PTGFR: variants seen among roughly 807,000 people sequenced by gnomAD.
PTGFR encodes prostaglandin F receptor.
PTGFR carries 15 observed loss-of-function variants against 26.2 expected under a neutral mutation model. That is an observed-to-expected ratio of 0.57 (90% CI 0.38 to 0.88). The LOEUF is 0.88. PTGFR is among the 40% of genes least tolerant of loss of function. The probability of loss-of-function intolerance (pLI) is 0.00; values close to 1 mark genes in which losing one functional copy is unlikely to be tolerated. For synonymous variants in PTGFR, 165 were observed against 151.1 expected, an observed-to-expected ratio of 1.09 and a Z score of -0.68; for missense variants, 369 against 427.2, an observed-to-expected ratio of 0.86 and a Z score of 1.20.
At chr1:78,525,696 C>G (rs1161622893) in intron 2 of PTGFR, among the ~76,000 whole-genome samples, 1 of 152,046 alleles carries the variant, frequency 6.6e-6, no homozygotes, top group African/African-American at 2.4e-5. Context: ...CATGGTTGGT[C>G]TTTCAAGTAT....
Position 78,492,887 on chromosome 1 carries a change from C to T in PTGFR, c.144C>T (p.Ile48=), listed in dbSNP as rs1265190184. ...GAATCTTGTCAAACAGCCTTGCCAT[C>T]GCCATTCTCATGAAGGCATATCAGA... is the stretch of plus-strand genomic sequence containing the variant. The part of the protein sequence containing the change: ...TVGILSNSLA[I]AILMKAYQRF... Residue 48 remains isoleucine, a synonymous_variant, in exon 2 of 3, where the codon ATC becomes ATT. Coordinates refer to ENST00000370757, the MANE Select transcript of PTGFR (RefSeq NM_000959.4). 5.6e-6 allele frequency: 9 copies of T among 1,614,238 alleles called. No individual in the cohort carries two copies. The East Asian group carries it at 8.9e-5, about 16-fold the overall frequency.
chr1:78,492,432 G>T (rs1023734625), intron 1 of PTGFR, among the ~76,000 whole-genome samples: 1 of 152,116 alleles, frequency 6.6e-6, no homozygotes, highest in African/African-American at 2.4e-5. Context: ...GGAGGAGGAG[G>T]TGCTCATTTG....
chr1:78,502,961 G>A (rs569213436), intron 2 of PTGFR, among the ~76,000 whole-genome samples: 147 of 152,126 alleles, frequency 9.7e-4, no homozygotes, highest in Non-Finnish European at 1.7e-3. Context: ...GAGATTATTC[G>A]TGACAGCTTA....
chr1:78,511,274 C>T (rs1386519741), intron 2 of PTGFR, among the ~76,000 whole-genome samples: 2 of 152,222 alleles, frequency 1.3e-5, no homozygotes, highest in Non-Finnish European at 2.9e-5. Flanking sequence ...GGGCCCTTCC[C>T]CTGCAGCAGT....
chr1:78,518,939 C>T (rs552877423), intron 2 of PTGFR, among the ~76,000 whole-genome samples: 2 of 152,248 alleles, frequency 1.3e-5, no homozygotes, highest in South Asian at 4.1e-4. Context: ...TTGTCTGAGT[C>T]AAGGTGCTTA....
chr1:78,526,426 A>T (rs1294586807), intron 2 of PTGFR, among the ~76,000 whole-genome samples: 1 of 152,022 alleles, frequency 6.6e-6, no homozygotes, highest in Non-Finnish European at 1.5e-5. Flanking sequence ...GAATGGCTGA[A>T]ATGTGAGGTG....
intron 2 of PTGFR, among the ~76,000 whole-genome samples, chr1:78,526,579 A>AC (rs1458012908): frequency 6.6e-6 from 1 of 152,126 alleles, no homozygotes; most frequent in Non-Finnish European, 1.5e-5. Context: ...TGAAGCCAAG[A>AC]CAAATAACCT....
intron 2 of PTGFR, among the ~76,000 whole-genome samples, chr1:78,528,405 T>C (rs1650427583): frequency 6.6e-6 from 1 of 150,604 alleles, no homozygotes; most frequent in South Asian, 2.1e-4. Flanking sequence ...CTAATTTTAG[T>C]GAAATTGACT....
At position 78,538,686 on chromosome 1, in the gene PTGFR, T is replaced by C. The variant is rs1258455615; in HGVS notation, c.*1999T>C. 2 of 152,120 alleles carry C rather than the reference T, an allele frequency of 1.3e-5. No homozygotes were observed. Among genetic ancestry groups the C allele is most frequent in the African/African-American group, 4.8e-5 (2 of 41,440 alleles). 9.4% of individuals were successfully genotyped at this position (152,120 alleles called of 1,614,324 possible). A position where few individuals can be genotyped will look rare whatever the true frequency, so the allele number is the denominator to read the frequency against. On this transcript the variant is annotated 3_prime_UTR_variant, in exon 3 of 3. Transcript: ENST00000370757. ...GCATGTAGCTTGGCGATTTACTGTGTAATGAATAATAGACTGGAACATCTA... is the reference window on the plus strand; with the variant it reads ...GCATGTAGCTTGGCGATTTACTGTGCAATGAATAATAGACTGGAACATCTA...
rs549981040 is a variant in PTGFR, at chr1:78,507,111, G to A, written c.798+13570G>A. 9.9e-5 allele frequency among the ~76,000 whole-genome samples: 15 copies of A among 152,278 alleles called. 1 individual carries two copies. In the South Asian group the frequency reaches 2.9e-3, roughly 29 times the overall value. ...TCAGAATTTATATATAATATTTGGA[G>A]CTTCCCCTCTCTGGCTCTTTTGTTT... On this transcript the variant is annotated intron_variant, in intron 2 of 2. Coordinates refer to ENST00000370757, the MANE Select transcript of PTGFR (RefSeq NM_000959.4).
intron 2 of PTGFR, among the ~76,000 whole-genome samples, chr1:78,521,611 T>G (rs751838627): frequency 2.6e-5 from 4 of 152,166 alleles, no homozygotes; most frequent in Admixed American, 6.6e-5. Flanking sequence ...ACTCATTGGT[T>G]TCAATTGTTT....
intron 2 of PTGFR, among the ~76,000 whole-genome samples, chr1:78,528,811 G>A (rs1168623128): frequency 6.6e-6 from 1 of 151,984 alleles, no homozygotes; most frequent in East Asian, 1.9e-4. Flanking sequence ...AGATGTCCAG[G>A]CACAGTAAGC....
intron 2 of PTGFR, among the ~76,000 whole-genome samples, chr1:78,500,369 A>T (rs1196305954): frequency 6.6e-6 from 1 of 152,210 alleles, no homozygotes; most frequent in African/African-American, 2.4e-5. Context: ...CTCCTCCCAG[A>T]TCTTCCTTTT....
chr1:78,528,146 T>C (rs1650416526), intron 2 of PTGFR, among the ~76,000 whole-genome samples: 2 of 151,730 alleles, frequency 1.3e-5, no homozygotes, highest in Non-Finnish European at 2.9e-5. Context: ...GTAAATATGA[T>C]CAGAGATTTG....
intron 2 of PTGFR, among the ~76,000 whole-genome samples, chr1:78,500,821 C>T (rs1557648947): frequency 6.6e-6 from 1 of 152,276 alleles, no homozygotes; most frequent in Middle Eastern, 3.4e-3. Context: ...GAATTGAGCT[C>T]ATTTAAGTAT....
intron 2 of PTGFR, 95 bp from the exon 3 acceptor site, chr1:78,536,311 A>T: frequency 8.2e-7 from 1 of 1,222,272 alleles, no homozygotes; most frequent in Admixed American, 2.4e-5. Flanking sequence ...CTCTGTGGAA[A>T]GTGAAATGAA....
At chr1:78,513,593 A>C (rs1650023053) in intron 2 of PTGFR, among the ~76,000 whole-genome samples, 1 of 152,018 alleles carries the variant, frequency 6.6e-6, no homozygotes, top group Non-Finnish European at 1.5e-5. Flanking sequence ...CAGAGTGTAA[A>C]AGTTTGGAAA....
intron 2 of PTGFR, among the ~76,000 whole-genome samples, chr1:78,523,738 T>A (rs1036005103): frequency 3.3e-5 from 5 of 152,172 alleles, no homozygotes; most frequent in African/African-American, 4.8e-5. Flanking sequence ...ATTATTATGG[T>A]GAACCATATT....
rs115994459 is a variant in PTGFR at position 78,493,396 on chromosome 1, T to C, written c.653T>C (p.Leu218Ser). The part of the protein sequence containing the change: ...LGLLALGVSL[L>S]CNAITGITLL... Reference sequence around the variant, plus strand: ...CTCTTAGCCCTTGGTGTTTCATTGTTGTGCAATGCAATCACAGGAATTACA... The same window carrying C: ...CTCTTAGCCCTTGGTGTTTCATTGTCGTGCAATGCAATCACAGGAATTACA... Residue 218 changes from leucine to serine, a missense_variant, in exon 2 of 3, where the codon TTG (leucine) becomes TCG (serine). Leu to Ser is a moderately radical substitution (Grantham distance 145). Transcript: ENST00000370757. 7.7e-4 allele frequency: 1,244 copies of C among 1,613,852 alleles called. 9 individuals carry two copies. The African/African-American group carries it at 0.014, about 19-fold the overall frequency.
Sources: allele counts gnomAD v4.1 joint callset (sites outside exome capture counted in the v4.1 genomes callset), GRCh38; gene constraint gnomAD v4.1.1; transcripts MANE v1.5; gene names NCBI Gene and HGNC (gene_info 2026-07-23, HGNC 2026-07-21).